NKAIN2: variants seen among roughly 807,000 people sequenced by gnomAD.
NKAIN2 encodes sodium/potassium transporting ATPase interacting 2.
In NKAIN2, 14 loss-of-function variants were observed where a neutral mutation model predicts 32.6. That is an observed-to-expected ratio of 0.43 (90% CI 0.28 to 0.67). The LOEUF (loss-of-function observed/expected upper bound fraction) is 0.67. NKAIN2 is among the 30% of genes least tolerant of loss of function. NKAIN2 has a pLI of 0.17. For synonymous variants in NKAIN2, 80 were observed against 87.2 expected (o/e 0.92, Z 0.46); for missense variants, 198 against 258.3 (o/e 0.77, Z 1.60).
rs1266507183 is a variant in NKAIN2 at position 123,809,839 on chromosome 6, T to A, written c.54+5585T>A. ...CAACCTGAAATAAGAATAAGGTGAC[T>A]TCAAAAGCTTATGATTTTTACCCTT... is the stretch of plus-strand genomic sequence containing the variant. On this transcript the variant is annotated intron_variant, in intron 1 of 6. Transcript: ENST00000368417. Among the ~76,000 whole-genome samples, 9 of 152,296 alleles carry A rather than the reference T, an allele frequency of 5.9e-5. No individual in the cohort carries two copies. In the South Asian group the frequency reaches 1.2e-3, roughly 21 times the overall value.
At chr6:124,720,802 G>A (rs531465126) in intron 4 of NKAIN2, among the ~76,000 whole-genome samples, 2 of 152,182 alleles carry the variant, frequency 1.3e-5, no homozygotes, top group Non-Finnish European at 2.9e-5. Context: ...AAGAATGGGA[G>A]AATCTACAGG....
rs59732919 is a variant in NKAIN2 at position 124,195,972 on chromosome 6, TA to T, written c.55-87026del. ...CCCAATTTTCTCTAATACATACATT[TA>T]AAAAAATTTGTACTAAATATTATAA... On this transcript the variant is annotated intron_variant, in intron 1 of 6. Transcript: ENST00000368417. 1.1e-3 allele frequency among the ~76,000 whole-genome samples: 168 copies of T among 152,154 alleles called. 1 individual carries two copies. The highest frequency in any genetic ancestry group is 3.9e-3 in the African/African-American group (163 of 41,534).
intron 1 of NKAIN2, among the ~76,000 whole-genome samples, chr6:124,233,816 A>C (rs1345896117): frequency 6.6e-6 from 1 of 152,178 alleles, no homozygotes; most frequent in East Asian, 1.9e-4. Context: ...TCTAAAGCTT[A>C]CCTGTCAATA....
At chr6:124,704,307 G>A (rs1355692795) in intron 4 of NKAIN2, among the ~76,000 whole-genome samples, 4 of 151,896 alleles carry the variant, frequency 2.6e-5, no homozygotes, top group South Asian at 4.2e-4. Context: ...AAAGACTATA[G>A]AAAGAAGAAA....
intron 3 of NKAIN2, among the ~76,000 whole-genome samples, chr6:124,631,179 A>C (rs2114307761): frequency 6.6e-6 from 1 of 152,292 alleles, no homozygotes; most frequent in African/African-American, 2.4e-5. Flanking sequence ...ATACTTCTAA[A>C]GAGATTCTCA....
At chr6:124,013,396 A>G (rs1480159319) in intron 1 of NKAIN2, among the ~76,000 whole-genome samples, 3 of 152,202 alleles carry the variant, frequency 2.0e-5, no homozygotes, top group Non-Finnish European at 4.4e-5. Context: ...ACAAAGGTTT[A>G]TACTAGGTTT....
intron 4 of NKAIN2, among the ~76,000 whole-genome samples, chr6:124,690,633 A>G (rs1171324369): frequency 6.6e-6 from 1 of 152,112 alleles, no homozygotes; most frequent in African/African-American, 2.4e-5. Flanking sequence ...TTTTTTACCC[A>G]TAGGAGAAAT....
intron 3 of NKAIN2, among the ~76,000 whole-genome samples, chr6:124,568,111 C>A (rs1226986595): frequency 6.6e-6 from 1 of 152,192 alleles, no homozygotes; most frequent in East Asian, 1.9e-4. Flanking sequence ...CACTTCAGCC[C>A]ACCTTTTGTT....
At chr6:124,560,307 G>T (rs1268748634) in intron 3 of NKAIN2, among the ~76,000 whole-genome samples, 1 of 152,066 alleles carries the variant, frequency 6.6e-6, no homozygotes, top group Non-Finnish European at 1.5e-5. Context: ...TCTCCTTTCT[G>T]CCACCATGTG....
intron 1 of NKAIN2, among the ~76,000 whole-genome samples, chr6:124,195,563 A>G (rs1790273647): frequency 6.6e-6 from 1 of 152,164 alleles, no homozygotes; most frequent in South Asian, 2.1e-4. Flanking sequence ...ACTGAATCCC[A>G]AAGAGTTGAG....
At chr6:124,079,873 A>T (rs1783871931) in intron 1 of NKAIN2, among the ~76,000 whole-genome samples, 1 of 151,986 alleles carries the variant, frequency 6.6e-6, no homozygotes, top group Non-Finnish European at 1.5e-5. Context: ...TGAGCGAACA[A>T]AGGTAAAGTT....
At chr6:124,790,340 C>T (rs1779693892) in intron 4 of NKAIN2, among the ~76,000 whole-genome samples, 1 of 151,914 alleles carries the variant, frequency 6.6e-6, no homozygotes, top group Non-Finnish European at 1.5e-5. Flanking sequence ...CGTGGCGGTT[C>T]CTTTTTTTCC....
Position 124,389,527 on chromosome 6 carries a change from G to T in NKAIN2, c.273+34180G>T, listed in dbSNP as rs528702619. Among the ~76,000 whole-genome samples, 5 of 152,202 alleles carry T rather than the reference G, an allele frequency of 3.3e-5. No homozygotes were observed. In the South Asian group the frequency reaches 1.0e-3, roughly 32 times the overall value. On this transcript the variant is annotated intron_variant, in intron 3 of 6. Coordinates refer to ENST00000368417, the MANE Select transcript of NKAIN2 (RefSeq NM_001040214.3). ...TATCTCAGTGGAGGGACATTGCAATGTTAGCAAGGATTCTTTTTCTAATCT... is the reference window on the plus strand; with the variant it reads ...TATCTCAGTGGAGGGACATTGCAATTTTAGCAAGGATTCTTTTTCTAATCT...
chr6:124,726,175 G>A (rs868110388), intron 4 of NKAIN2, among the ~76,000 whole-genome samples: 2 of 152,256 alleles, frequency 1.3e-5, no homozygotes, highest in Non-Finnish European at 2.9e-5. Context: ...AAACAAAGCA[G>A]CCAGAAAGCT....
chr6:124,426,487 T>G (rs1014914407), intron 3 of NKAIN2, among the ~76,000 whole-genome samples: 2 of 152,002 alleles, frequency 1.3e-5, no homozygotes, highest in African/African-American at 4.8e-5. Flanking sequence ...AGTTAAGAAT[T>G]AAAGAAAAAA....
At chr6:124,775,370 T>C (rs1318363229) in intron 4 of NKAIN2, among the ~76,000 whole-genome samples, 1 of 152,182 alleles carries the variant, frequency 6.6e-6, no homozygotes, top group Non-Finnish European at 1.5e-5. Context: ...TCAAAGGAAC[T>C]TCTGTTCGTA....
intron 1 of NKAIN2, among the ~76,000 whole-genome samples, chr6:124,124,558 A>G (rs1786064932): frequency 1.3e-5 from 2 of 152,220 alleles, no homozygotes; most frequent in African/African-American, 4.8e-5. Flanking sequence ...GACAAATGTT[A>G]AACAAGACAA....
rs556575754 is a variant in NKAIN2, at chr6:124,786,178, C to A, written c.475-5161C>A. Among the ~76,000 whole-genome samples, 141 of 152,174 alleles carry A rather than the reference C, an allele frequency of 9.3e-4. 1 individual carries two copies. The highest frequency in any genetic ancestry group is 6.8e-3 in the Middle Eastern group (2 of 294). ...ATTTCAGAGTTATAGGCTTCTTCAG[C>A]TCCAAGTAAGTCTGGTGTATATGAA... is the stretch of plus-strand genomic sequence containing the variant. On this transcript the variant is annotated intron_variant, in intron 4 of 6. Coordinates refer to ENST00000368417, the MANE Select transcript of NKAIN2 (RefSeq NM_001040214.3).
At chr6:124,159,567 C>T (rs932722141) in intron 1 of NKAIN2, among the ~76,000 whole-genome samples, 4 of 152,138 alleles carry the variant, frequency 2.6e-5, no homozygotes, top group African/African-American at 7.2e-5. Flanking sequence ...TTACACTAAA[C>T]GTGATGTCTT....
Sources: allele counts gnomAD v4.1 joint callset (sites outside exome capture counted in the v4.1 genomes callset), GRCh38; gene constraint gnomAD v4.1.1; transcripts MANE v1.5; gene names NCBI Gene and HGNC (gene_info 2026-07-23, HGNC 2026-07-21).